The following DTD1 variants were observed in gnomAD, a reference collection of about 807,000 sequenced individuals.
DTD1 encodes the protein D-aminoacyl-tRNA deacylase 1.
In DTD1, 13 loss-of-function variants were observed where a neutral mutation model predicts 25.6. That is an observed-to-expected ratio of 0.51 (90% confidence interval 0.33 to 0.81). The LOEUF (loss-of-function observed/expected upper bound fraction) is 0.81, where lower values mean the gene tolerates loss of function less well. Ranked by LOEUF, DTD1 falls within the 30% of genes least tolerant of loss-of-function variation. The pLI is 0.02. For missense variants in DTD1, 193 were observed against 266.4 expected (o/e 0.72, Z 1.92); for synonymous variants, 110 against 103.6 (o/e 1.06, Z -0.37).
intron 1 of DTD1, 110 bp from the exon 2 acceptor site, chr20:18,593,621 G>T (rs1426382639): frequency 2.7e-6 from 2 of 734,492 alleles, no homozygotes; most frequent in East Asian, 5.5e-5. Context: ...TTTAACCAAA[G>T]AAGTTATAAG....
chr20:18,764,206 T>C lies in DTD1; in HGVS notation c.*866T>C, dbSNP rs148458688. On this transcript the variant is annotated 3_prime_UTR_variant, in exon 6 of 6. Transcript: ENST00000377452. ...CAAGTGTGGAGCCACATCTGGTGTA[T>C]CCAGCTTTGGGAGGTGGAGGAAGGC... The C allele has an allele frequency of 6.6e-6, 1 of 152,358 alleles. No individual in the cohort carries two copies. Among genetic ancestry groups the C allele is most frequent in the African/African-American group, 2.4e-5 (1 of 41,570 alleles). 9.4% of individuals were successfully genotyped at this position (152,358 alleles called of 1,614,324 possible).
chr20:18,631,146 C>G (rs2060786002), intron 4 of DTD1: 1 of 985,398 alleles, frequency 1.0e-6, no homozygotes, highest in East Asian at 1.1e-4. Flanking sequence ...CTCTGCTTCT[C>G]TATCCCCCTT....
intron 2 of DTD1, among the ~76,000 whole-genome samples, chr20:18,595,315 G>A (rs2060606092): frequency 6.6e-6 from 1 of 151,854 alleles, no homozygotes; most frequent in African/African-American, 2.4e-5. Context: ...CACCCAGGCT[G>A]GAGTGCAGTG....
chr20:18,628,112 G>T lies in DTD1; in HGVS notation c.371-15G>T. The stretch of plus-strand genomic sequence containing the variant: ...GTGTCTCCATCTTTGGTAACTGTTT[G>T]GATTGCTTTTTCAGATGGCAAGTTT... On this transcript the variant is annotated splice_polypyrimidine_tract_variant and intron_variant, in intron 3 of 5. Transcript: ENST00000377452. 6.2e-7 allele frequency: 1 copy of T among 1,610,094 alleles called. No individual in the cohort carries two copies. Among genetic ancestry groups the T allele is most frequent in the South Asian group, 1.1e-5 (1 of 90,920 alleles).
chr20:18,632,493 T>A (rs2122321708), intron 4 of DTD1: 2 of 985,468 alleles, frequency 2.0e-6, no homozygotes. Flanking sequence ...GAGTTTCCTC[T>A]TGGAGCAAAT....
chr20:18,700,534 C>T (rs1349332033), intron 4 of DTD1, among the ~76,000 whole-genome samples: 5 of 149,056 alleles, frequency 3.4e-5, no homozygotes, highest in African/African-American at 9.9e-5. Flanking sequence ...ATTTCAATAG[C>T]TTTTGGGATA....
chr20:18,622,875 A>G (rs1218197588), intron 3 of DTD1, among the ~76,000 whole-genome samples: 1 of 147,212 alleles, frequency 6.8e-6, no homozygotes, highest in Non-Finnish European at 1.5e-5. Flanking sequence ...TCCTCTGGGC[A>G]GTGCACTTTA....
At chr20:18,748,595 A>G (rs368072435) in intron 5 of DTD1, among the ~76,000 whole-genome samples, 2 of 152,176 alleles carry the variant, frequency 1.3e-5, no homozygotes, top group Middle Eastern at 3.2e-3. Flanking sequence ...GGGGACAGTT[A>G]CTGCATGTGT....
chr20:18,593,866 G>A (rs1568638802), intron 2 of DTD1, 45 bp downstream of exon 2: 1 of 1,511,718 alleles, frequency 6.6e-7, no homozygotes, highest in Non-Finnish European at 9.2e-7. Context: ...GCTATGTGGT[G>A]GTGGTCATGC....
At chr20:18,658,611 C>A (rs1430496187) in intron 4 of DTD1, among the ~76,000 whole-genome samples, 3 of 152,176 alleles carry the variant, frequency 2.0e-5, no homozygotes, top group African/African-American at 7.2e-5. Context: ...AATGGTTTGT[C>A]ATTCGAGTGC....
intron 4 of DTD1, among the ~76,000 whole-genome samples, chr20:18,694,465 A>T (rs950173359): frequency 1.3e-5 from 2 of 152,204 alleles, no homozygotes; most frequent in South Asian, 2.1e-4. Context: ...TCTCCAGAGC[A>T]TTGGTGAGGG....
At chr20:18,685,012 C>A (rs988144088) in intron 4 of DTD1, among the ~76,000 whole-genome samples, 1 of 152,088 alleles carries the variant, frequency 6.6e-6, no homozygotes. Context: ...AGTCCTCCCA[C>A]CTCAGCTTCC....
At chr20:18,703,897 A>C (rs977922285) in intron 4 of DTD1, among the ~76,000 whole-genome samples, 1 of 150,854 alleles carries the variant, frequency 6.6e-6, no homozygotes, top group African/African-American at 2.4e-5. Context: ...TTTTCTTTTG[A>C]GCTCTAGATG....
At chr20:18,618,712 C>CACACACACAT (rs555385345) in intron 3 of DTD1, among the ~76,000 whole-genome samples, 8 of 138,762 alleles carry the variant, frequency 5.8e-5, no homozygotes, top group African/African-American at 1.9e-4. Context: ...CACACACACA[C>CACACACACAT]ATATAATTTT....
chr20:18,711,707 G>A (rs935337379), intron 4 of DTD1, among the ~76,000 whole-genome samples: 1 of 152,096 alleles, frequency 6.6e-6, no homozygotes, highest in Non-Finnish European at 1.5e-5. Context: ...TTGCCTTGAA[G>A]TCCTTCCTGC....
At chr20:18,665,851 A>G (rs991889518) in intron 4 of DTD1, among the ~76,000 whole-genome samples, 4 of 152,190 alleles carry the variant, frequency 2.6e-5, no homozygotes, top group Non-Finnish European at 5.9e-5. Context: ...AATATTTTAG[A>G]TTTACAGAAA....
chr20:18,757,875 G>A (rs1280513219), intron 5 of DTD1, among the ~76,000 whole-genome samples: 1 of 152,094 alleles, frequency 6.6e-6, no homozygotes, highest in Non-Finnish European at 1.5e-5. Flanking sequence ...CCTCTGGTAG[G>A]ATTCAGCTGT....
At chr20:18,721,157 G>A (rs1328083039) in intron 4 of DTD1, among the ~76,000 whole-genome samples, 2 of 152,192 alleles carry the variant, frequency 1.3e-5, no homozygotes, top group Non-Finnish European at 2.9e-5. Context: ...CCTAATTTTA[G>A]AGACAATGCT....
intron 4 of DTD1, among the ~76,000 whole-genome samples, chr20:18,710,524 TC>T (rs1248925556): frequency 4.6e-5 from 7 of 152,254 alleles, no homozygotes; most frequent in African/African-American, 1.7e-4. Flanking sequence ...TATTCATAAG[TC>T]TGGTGTTTCT....
Sources: gnomAD v4.1 joint callset for allele counts (sites outside exome capture counted in the v4.1 genomes callset) on GRCh38, gnomAD v4.1.1 for gene constraint, MANE v1.5 for transcripts, NCBI Gene and HGNC (gene_info 2026-07-23, HGNC 2026-07-21) for gene names.